Variants in CCSER2 observed in about 807,000 individuals in gnomAD.
CCSER2 encodes coiled-coil serine rich protein 2.
A neutral mutation model predicts 92.3 loss-of-function variants in CCSER2; 46 were observed. The ratio of observed to expected loss-of-function variants is 0.50; its 90% CI spans 0.39 to 0.64. The LOEUF (loss-of-function observed/expected upper bound fraction) is 0.64. Ranked by LOEUF, CCSER2 falls within the 30% of genes least tolerant of loss-of-function variation. The pLI is 0.00. For missense variants in CCSER2, 1,244 were observed against 1,238.9 expected, an observed-to-expected ratio of 1.00 and a Z score of -0.06; for synonymous variants, 433 against 431.4, an observed-to-expected ratio of 1.00 and a Z score of -0.04.
At chr10:84,471,669 C>T (rs1394515783) in intron 8 of CCSER2, among the ~76,000 whole-genome samples, 3 of 151,878 alleles carry the variant, frequency 2.0e-5, no homozygotes, top group African/African-American at 4.8e-5. Context: ...AATGAATGAG[C>T]GGTGAAATGG....
At chr10:84,348,049 G>T (rs1211487908) in intron 1 of CCSER2, among the ~76,000 whole-genome samples, 1 of 152,158 alleles carries the variant, frequency 6.6e-6, no homozygotes, top group Non-Finnish European at 1.5e-5. Flanking sequence ...CCCAGATGGG[G>T]TGGCGGCCGG....
intron 5 of CCSER2, among the ~76,000 whole-genome samples, chr10:84,434,816 T>C (rs1844005701): frequency 6.6e-6 from 1 of 152,160 alleles, no homozygotes; most frequent in South Asian, 2.1e-4. Flanking sequence ...AAATGAAGCA[T>C]AGAGGGATTT....
chr10:84,362,499 C>T (rs11201005), intron 1 of CCSER2, among the ~76,000 whole-genome samples: 54,105 of 152,010 alleles, frequency 0.36, 11,505 homozygotes, highest in East Asian at 0.5. Flanking sequence ...TCTGGTTCCT[C>T]TTGTTAGTAT....
chr10:84,510,833 A>G (rs1849310692), intron 9 of CCSER2, among the ~76,000 whole-genome samples: 1 of 152,168 alleles, frequency 6.6e-6, no homozygotes. Flanking sequence ...AACCACTTCC[A>G]TGTAGTCTTC....
chr10:84,477,781 T>A (rs1348839097), intron 9 of CCSER2, 117 bp downstream of exon 9: 5 of 609,820 alleles, frequency 8.2e-6, no homozygotes, highest in Non-Finnish European at 1.1e-5. Context: ...TTAATTTTTT[T>A]GTAGGTAATT....
At chr10:84,445,549 A>T (rs1270026293) in intron 6 of CCSER2, among the ~76,000 whole-genome samples, 2 of 152,242 alleles carry the variant, frequency 1.3e-5, no homozygotes, top group African/African-American at 4.8e-5. Context: ...ATTTATCTTA[A>T]TGAATTTTCA....
chr10:84,378,611 T>A (rs1846468441), intron 3 of CCSER2, among the ~76,000 whole-genome samples: 1 of 152,028 alleles, frequency 6.6e-6, no homozygotes, highest in African/African-American at 2.4e-5. Flanking sequence ...AATTTTGTAT[T>A]TTTAGTAGAG....
At chr10:84,366,018 G>T (rs142671273) in intron 1 of CCSER2, among the ~76,000 whole-genome samples, 120 of 152,318 alleles carry the variant, frequency 7.9e-4, no homozygotes, top group African/African-American at 2.8e-3. Context: ...ACTGTCCCTT[G>T]CTCTGCTCCT....
chr10:84,459,610 C>T (rs1343572185), intron 6 of CCSER2, among the ~76,000 whole-genome samples: 3 of 152,136 alleles, frequency 2.0e-5, no homozygotes, highest in African/African-American at 7.2e-5. Context: ...ACAGCCTTGA[C>T]TTCCCAGGCT....
intron 3 of CCSER2, among the ~76,000 whole-genome samples, chr10:84,380,025 A>T (rs1380137951): frequency 1.3e-5 from 2 of 152,150 alleles, no homozygotes; most frequent in Non-Finnish European, 2.9e-5. Context: ...CGTTCCTAGG[A>T]TATAAAACTA....
intron 1 of CCSER2, among the ~76,000 whole-genome samples, chr10:84,369,126 A>G (rs1845931983): frequency 6.6e-6 from 1 of 150,390 alleles, no homozygotes; most frequent in Non-Finnish European, 1.5e-5. Context: ...TTTTGCTGTG[A>G]TAAACATACA....
chr10:84,401,661 G>A (rs2133316510), intron 3 of CCSER2, among the ~76,000 whole-genome samples: 1 of 152,248 alleles, frequency 6.6e-6, no homozygotes, highest in East Asian at 1.9e-4. Context: ...GAAGAAAATG[G>A]AAAGAGATCC....
chr10:84,363,767 T>A (rs1361874982), intron 1 of CCSER2, among the ~76,000 whole-genome samples: 2 of 152,194 alleles, frequency 1.3e-5, no homozygotes, highest in Non-Finnish European at 2.9e-5. Context: ...GTCCCTTCCT[T>A]CATTCTTGTC....
intron 3 of CCSER2, among the ~76,000 whole-genome samples, chr10:84,402,044 T>C (rs1188590101): frequency 6.6e-6 from 1 of 152,220 alleles, no homozygotes; most frequent in African/African-American, 2.4e-5. Context: ...TTCCCAATAG[T>C]ACTAGTTGCC....
At chr10:84,435,072 A>G (rs1159516508) in intron 5 of CCSER2, among the ~76,000 whole-genome samples, 1 of 152,220 alleles carries the variant, frequency 6.6e-6, no homozygotes, top group South Asian at 2.1e-4. Context: ...TTTCAGTACT[A>G]AGAGAAAATA....
rs1336345976 is a variant in CCSER2, at chr10:84,478,205, CTTAT to C, written c.2325+544_2325+547del. ...ATAGGAAGTAACTATGTATTCCATG[CTTAT>C]TTGTTTTTCAAAAATGTTATATCTC... On this transcript the variant is annotated intron_variant, in intron 9 of 9. Transcript: ENST00000372088. Among the ~76,000 whole-genome samples, 4 of 152,114 alleles carry C rather than the reference CTTAT, an allele frequency of 2.6e-5. 1 individual carries two copies. The highest frequency in any genetic ancestry group is 5.9e-5 in the Non-Finnish European group (4 of 68,010).
chr10:84,444,772 T>A (rs940814141), intron 6 of CCSER2, among the ~76,000 whole-genome samples: 4 of 152,218 alleles, frequency 2.6e-5, no homozygotes, highest in Non-Finnish European at 5.9e-5. Context: ...CACAAAATTT[T>A]AAAAAATTGT....
chr10:84,457,280 T>TATATATTATATATAATATATTATATATA (rs1554854284), intron 6 of CCSER2, among the ~76,000 whole-genome samples: 2 of 18,284 alleles, frequency 1.1e-4, no homozygotes, highest in African/African-American at 6.6e-4. Flanking sequence ...TATAATATAT[T>TATATATTATATATAATATATTATATATA]ATATATTATA....
chr10:84,339,124 GTT>G (rs57929671), intron 1 of CCSER2, among the ~76,000 whole-genome samples: 3 of 137,476 alleles, frequency 2.2e-5, no homozygotes, highest in Non-Finnish European at 1.6e-5. Flanking sequence ...TTTTTTTTTT[GTT>G]TTTTTTTTTG....
Sources: allele counts gnomAD v4.1 joint callset (sites outside exome capture counted in the v4.1 genomes callset), GRCh38; gene constraint gnomAD v4.1.1; transcripts MANE v1.5; gene names NCBI Gene and HGNC (gene_info 2026-07-23, HGNC 2026-07-21).